LTF: variants seen among roughly 807,000 people sequenced by gnomAD.
The protein encoded by LTF is epididymis luminal protein 110.
In LTF, 91 loss-of-function variants were observed where a neutral mutation model predicts 87.2. The observed-to-expected ratio is 1.04, with a 90% CI of 0.88 to 1.24. LTF has a LOEUF of 1.24. Ranked by LOEUF, LTF falls within the 50% of genes most tolerant of loss-of-function variation. LTF has a pLI of 0.00. For synonymous variants in LTF, 378 were observed against 356.1 expected, an observed-to-expected ratio of 1.06 and a Z score of -0.69; for missense variants, 901 against 904.3, an observed-to-expected ratio of 1.00 and a Z score of 0.05.
intron 1 of LTF, among the ~76,000 whole-genome samples, chr3:46,461,410 T>C (rs970435126): frequency 6.6e-6 from 1 of 152,202 alleles, no homozygotes; most frequent in Non-Finnish European, 1.5e-5. Context: ...AACCTAAATG[T>C]CCAATAACTG....
chr3:46,450,004 G>T lies in LTF; in HGVS notation c.907C>A (p.Pro303Thr), dbSNP rs1445569154. Reference protein sequence around the residue: ...AQEKFGKDKSPKFQLFGSPSG... With the variant: ...AQEKFGKDKSTKFQLFGSPSG... ...GGGGAGCCAAAGAGCTGGAATTTCGGTGACTTGTCCTTTCCAAACTTTTCC... is the reference window on the plus strand; with the variant it reads ...GGGGAGCCAAAGAGCTGGAATTTCGTTGACTTGTCCTTTCCAAACTTTTCC... The change falls in exon 8 of 17, where the codon CCG becomes ACG. Residue 303 changes from proline to threonine, a missense_variant. Transcript: ENST00000231751. 4.4e-6 allele frequency: 7 copies of T among 1,608,718 alleles called. No homozygotes were observed. In the African/African-American group the frequency reaches 9.4e-5, roughly 22 times the overall value.
chr3:46,455,081 G>C (rs141993453), intron 5 of LTF, among the ~76,000 whole-genome samples: 1 of 152,322 alleles, frequency 6.6e-6, no homozygotes, highest in Non-Finnish European at 1.5e-5. Context: ...CCGTGGGGCT[G>C]GTGAGAAGTT....
chr3:46,468,393 C>G (rs941956594), upstream of LTF: 12 of 449,898 alleles, frequency 2.7e-5, no homozygotes, highest in Non-Finnish European at 4.5e-5. Flanking sequence ...AAGAAGGTAG[C>G]TGCTGTGGAA....
At chr3:46,445,134 G>T in intron 12 of LTF, 147 bp downstream of exon 12, 1 of 792,124 alleles carries the variant, frequency 1.3e-6, no homozygotes, top group Non-Finnish European at 1.9e-6. Flanking sequence ...CCAGGGGGCA[G>T]CCACAGGGAG....
chr3:46,436,378 C>T, intron 16 of LTF, 149 bp from the exon 17 acceptor site: 1 of 724,828 alleles, frequency 1.4e-6, no homozygotes, highest in East Asian at 2.6e-5. Context: ...TATTCCCACT[C>T]CCCTACTCCT....
chr3:46,442,340 G>T (rs1017356544), intron 13 of LTF, among the ~76,000 whole-genome samples: 1 of 151,946 alleles, frequency 6.6e-6, no homozygotes, highest in Non-Finnish European at 1.5e-5. Flanking sequence ...AAATAAAGGG[G>T]TATGACACTG....
chr3:46,481,659 A>C (rs980071726), intron 1 of LTF, among the ~76,000 whole-genome samples: 5 of 152,134 alleles, frequency 3.3e-5, no homozygotes, highest in African/African-American at 1.2e-4. Flanking sequence ...GCTGAGGCAG[A>C]AGAATCACTT....
chr3:46,456,472 A>T, intron 2 of LTF, 74 bp from the exon 3 acceptor site: 1 of 1,220,232 alleles, frequency 8.2e-7, no homozygotes, highest in Non-Finnish European at 1.2e-6. Flanking sequence ...TCAGGACCTC[A>T]AAAAGTCTCC....
At chr3:46,437,918 A>C in intron 16 of LTF, 22 bp downstream of exon 16, 1 of 1,603,526 alleles carries the variant, frequency 6.2e-7, no homozygotes, top group Non-Finnish European at 8.5e-7. Context: ...TTTCTCGGGG[A>C]TGCTAGCTAG....
intron 1 of LTF, among the ~76,000 whole-genome samples, chr3:46,477,690 T>C (rs778203363): frequency 1.3e-5 from 2 of 152,246 alleles, no homozygotes; most frequent in Admixed American, 6.5e-5. Context: ...TCGATATTTT[T>C]TGAACGAAGG....
At chr3:46,458,507 TA>T (rs1356883734) in intron 2 of LTF, among the ~76,000 whole-genome samples, 1 of 152,174 alleles carries the variant, frequency 6.6e-6, no homozygotes, top group Non-Finnish European at 1.5e-5. Context: ...TCAGATTGAG[TA>T]GGTTAGAATA....
chr3:46,464,285 C>G (rs960488714), intron 1 of LTF, among the ~76,000 whole-genome samples: 2 of 152,158 alleles, frequency 1.3e-5, no homozygotes, highest in Non-Finnish European at 2.9e-5. Context: ...ATCAGGAGCA[C>G]CGCACCCCTC....
chr3:46,468,526 G>A (rs191583509), upstream of LTF, among the ~76,000 whole-genome samples: 16 of 152,280 alleles, frequency 1.1e-4, no homozygotes, highest in Admixed American at 2.0e-4. Context: ...CAGAATTGCA[G>A]GCCCAAGCCC....
At chr3:46,483,794 T>G (rs1347609152) in intron 1 of LTF, among the ~76,000 whole-genome samples, 2 of 152,192 alleles carry the variant, frequency 1.3e-5, no homozygotes, top group East Asian at 3.8e-4. Flanking sequence ...GTATAAAGTT[T>G]ATTTTATTTT....
chr3:46,477,206 GT>G (rs1703370496), intron 1 of LTF, among the ~76,000 whole-genome samples: 1 of 152,222 alleles, frequency 6.6e-6, no homozygotes, highest in African/African-American at 2.4e-5. Flanking sequence ...GTTTGGGAAT[GT>G]CTTTTGTCCA....
intron 1 of LTF, among the ~76,000 whole-genome samples, chr3:46,464,028 C>G (rs754526354): frequency 2.6e-5 from 4 of 152,158 alleles, no homozygotes; most frequent in African/African-American, 7.2e-5. Flanking sequence ...TTCACTGTGC[C>G]CCTCCCACTG....
At chr3:46,439,847 G>C (rs1002866643) in intron 14 of LTF, among the ~76,000 whole-genome samples, 11 of 152,078 alleles carry the variant, frequency 7.2e-5, no homozygotes, top group African/African-American at 2.4e-4. Context: ...AGGCCAAGGT[G>C]GGAGAATCAC....
At chr3:46,477,904 C>G (rs1412881439) in intron 1 of LTF, among the ~76,000 whole-genome samples, 4 of 152,146 alleles carry the variant, frequency 2.6e-5, no homozygotes, top group Non-Finnish European at 5.9e-5. Context: ...GAGTCACAAT[C>G]CAACAGAAGG....
In LTF at chr3:46,449,918, C is replaced by G. The variant is rs765727570; in HGVS notation, c.993G>C (p.Pro331=). Residue 331 remains proline, a synonymous_variant, in exon 8 of 17, where the codon CCG becomes CCC. Coordinates refer to ENST00000231751, the MANE Select transcript of LTF (RefSeq NM_002343.6). ...DSAIGFSRVP[P]RIDSGLYLGS... is the part of the protein sequence containing the mutation. ...CAAGGTACAGCCCAGAATCTATCCT[C>G]GGGGGCACCCTCGAAAACCCAATGG... The G allele has an allele frequency of 1.9e-6, 3 of 1,614,186 alleles. No homozygotes were observed. Among genetic ancestry groups the G allele is most frequent in the Admixed American group, 3.3e-5 (2 of 60,034 alleles).
Sources: allele counts gnomAD v4.1 joint callset (sites outside exome capture counted in the v4.1 genomes callset), GRCh38; gene constraint gnomAD v4.1.1; transcripts MANE v1.5; gene names NCBI Gene and HGNC (gene_info 2026-07-23, HGNC 2026-07-21).